Variants in TOP6BL observed in about 807,000 individuals in gnomAD.
TOP6BL encodes TOP6B like initiator of meiotic double strand breaks.
chr11:66,814,502 G>T, the TOP6BL span, among the ~76,000 whole-genome samples: 1 of 151,846 alleles, frequency 6.6e-6, no homozygotes, highest in Non-Finnish European at 1.5e-5. Flanking sequence ...ACCTCAAGTG[G>T]CCCACCTGTC....
chr11:66,835,613 C>T, the TOP6BL span, among the ~76,000 whole-genome samples: 1 of 152,220 alleles, frequency 6.6e-6, no homozygotes, highest in East Asian at 1.9e-4. Flanking sequence ...TAGTATGCTT[C>T]CCATCTCTGT....
At chr11:66,815,932 T>C in the TOP6BL span, 1 of 933,272 alleles carries the variant, frequency 1.1e-6, no homozygotes, top group Non-Finnish European at 1.6e-6. Context: ...GGTAAATGGG[T>C]GTTCAGATTT....
At chr11:66,748,851 A>C in the TOP6BL span, among the ~76,000 whole-genome samples, 1 of 148,130 alleles carries the variant, frequency 6.8e-6, no homozygotes, top group Non-Finnish European at 1.5e-5. Flanking sequence ...TTTTTTCCCA[A>C]GTCTAAATTT....
At chr11:66,770,203 A>G in the TOP6BL span, among the ~76,000 whole-genome samples, 1 of 152,174 alleles carries the variant, frequency 6.6e-6, no homozygotes, top group Non-Finnish European at 1.5e-5. Flanking sequence ...AACCAAATCA[A>G]CTGGCACCTT....
the TOP6BL span, among the ~76,000 whole-genome samples, chr11:66,786,135 TAAAAATACA>T: frequency 6.6e-6 from 1 of 152,000 alleles, no homozygotes; most frequent in Non-Finnish European, 1.5e-5. Context: ...CTGTCTCTAC[TAAAAATACA>T]AAAATTAGCC....
the TOP6BL span, among the ~76,000 whole-genome samples, chr11:66,831,180 C>T: frequency 0.022 from 3,293 of 152,276 alleles, 130 homozygotes; most frequent in East Asian, 0.14. Context: ...GGTACAAGCA[C>T]TTCGGAGAAC....
At chr11:66,750,831 C>T in the TOP6BL span, among the ~76,000 whole-genome samples, 2 of 151,612 alleles carry the variant, frequency 1.3e-5, no homozygotes, top group Non-Finnish European at 2.9e-5. Context: ...TCCTGAGTAG[C>T]TAGGACTACA....
chr11:66,822,580 AG>A, the TOP6BL span: 1 of 1,551,174 alleles, frequency 6.4e-7, no homozygotes, highest in African/African-American at 1.4e-5. Flanking sequence ...CAGAAACTAC[AG>A]GCCTCACTCT....
At chr11:66,789,565 A>G in the TOP6BL span, among the ~76,000 whole-genome samples, 20 of 152,208 alleles carry the variant, frequency 1.3e-4, no homozygotes, top group African/African-American at 4.8e-4. Flanking sequence ...GGAGCAATTA[A>G]TGGTTAGTCA....
chr11:66,764,782 A>G, the TOP6BL span, among the ~76,000 whole-genome samples: 1 of 152,054 alleles, frequency 6.6e-6, no homozygotes, highest in Non-Finnish European at 1.5e-5. Context: ...CAGCATGATG[A>G]AACCCCATCT....
At chr11:66,794,858 C>T in the TOP6BL span, among the ~76,000 whole-genome samples, 806 of 152,202 alleles carry the variant, frequency 5.3e-3, 15 homozygotes, top group East Asian at 0.069. Context: ...AGGGGCCAGG[C>T]GCAGTGGCTC....
chr11:66,785,573 C>T, the TOP6BL span, among the ~76,000 whole-genome samples: 2 of 152,102 alleles, frequency 1.3e-5, no homozygotes, highest in African/African-American at 2.4e-5. Flanking sequence ...TGAGCCTTAG[C>T]CTTGTATGAT....
At chr11:66,838,429 C>T in the TOP6BL span, 2 of 1,613,756 alleles carry the variant, frequency 1.2e-6, no homozygotes, top group South Asian at 2.2e-5. Context: ...ATAACAGCAG[C>T]CTGGAGCTCC....
At chr11:66,781,607 A>G in the TOP6BL span, among the ~76,000 whole-genome samples, 1 of 152,228 alleles carries the variant, frequency 6.6e-6, no homozygotes, top group African/African-American at 2.4e-5. Flanking sequence ...GCACAGTCAT[A>G]GCTCCTGCAG....
the TOP6BL span, among the ~76,000 whole-genome samples, chr11:66,827,857 C>T: frequency 1.4e-5 from 2 of 147,006 alleles, no homozygotes; most frequent in African/African-American, 5.0e-5. Context: ...CCCAGCTACT[C>T]GGGAGGCTGA....
chr11:66,764,424 C>T, the TOP6BL span, among the ~76,000 whole-genome samples: 31 of 148,144 alleles, frequency 2.1e-4, no homozygotes, highest in African/African-American at 6.8e-4. Context: ...GAGGCCTAGG[C>T]GGGCGGATCA....
At chr11:66,795,737 T>G in the TOP6BL span, among the ~76,000 whole-genome samples, 1 of 152,080 alleles carries the variant, frequency 6.6e-6, no homozygotes, top group Non-Finnish European at 1.5e-5. Flanking sequence ...AGTAATTTTT[T>G]TTTTTTACAG....
chr11:66,816,912 G>C, the TOP6BL span, among the ~76,000 whole-genome samples: 1 of 152,068 alleles, frequency 6.6e-6, no homozygotes, highest in Non-Finnish European at 1.5e-5. Context: ...TCAGCACTTT[G>C]GGAGGTTGAA....
the TOP6BL span, among the ~76,000 whole-genome samples, chr11:66,840,072 T>C: frequency 6.6e-6 from 1 of 152,220 alleles, no homozygotes; most frequent in Non-Finnish European, 1.5e-5. Flanking sequence ...CCCTGGAGGA[T>C]GGCTTGGGCT....
Sources: gnomAD v4.1 joint callset for allele counts (sites outside exome capture counted in the v4.1 genomes callset) on GRCh38, gnomAD v4.1.1 for gene constraint, MANE v1.5 for transcripts, NCBI Gene and HGNC (gene_info 2026-07-23, HGNC 2026-07-21) for gene names.